TAF4: variants seen among roughly 807,000 people sequenced by gnomAD.
The protein encoded by TAF4 is TATA-box binding protein associated factor 4, also known as transcription initiation factor TFIID subunit 4.
In TAF4, 9 loss-of-function variants were observed where a neutral mutation model predicts 90.3. That is an observed-to-expected ratio of 0.10 (90% CI 0.06 to 0.17). The LOEUF (loss-of-function observed/expected upper bound fraction) is 0.17, where lower values mean the gene tolerates loss of function less well. TAF4 is among the 10% of genes least tolerant of loss of function. The probability of loss-of-function intolerance (pLI) is 1.00; values close to 1 mark genes in which losing one functional copy is unlikely to be tolerated. For synonymous variants in TAF4, 818 were observed against 638.9 expected (o/e 1.28, Z -4.23); for missense variants, 1,351 against 1,370.7 (o/e 0.99, Z 0.23).
chr20:62,026,737 G>A (rs996053940), intron 1 of TAF4, among the ~76,000 whole-genome samples: 2 of 152,170 alleles, frequency 1.3e-5, no homozygotes, highest in African/African-American at 4.8e-5. Flanking sequence ...AGGCAGAAAT[G>A]GGGCCTCCAC....
intron 13 of TAF4, 21 bp downstream of exon 13, chr20:61,998,115 C>T (rs760927609): frequency 6.2e-7 from 1 of 1,613,616 alleles, no homozygotes; most frequent in Admixed American, 1.7e-5. Flanking sequence ...CCCACGAGCA[C>T]TCACGACTAA....
intron 14 of TAF4, chr20:61,979,323 G>C (rs1007100295): frequency 6.5e-6 from 1 of 152,818 alleles, no homozygotes; most frequent in Non-Finnish European, 1.5e-5. Flanking sequence ...AGAGTGCTTA[G>C]TGGGGGCTTC....
chr20:61,991,976 C>T (rs2055634469), intron 14 of TAF4, among the ~76,000 whole-genome samples: 1 of 152,146 alleles, frequency 6.6e-6, no homozygotes, highest in South Asian at 2.1e-4. Flanking sequence ...AGAGTAACAT[C>T]CTTAAGACAC....
At chr20:62,001,338 G>C (rs541914386) in intron 9 of TAF4, among the ~76,000 whole-genome samples, 9 of 152,316 alleles carry the variant, frequency 5.9e-5, no homozygotes, top group African/African-American at 1.9e-4. Flanking sequence ...GCCACGTCTT[G>C]TCCGGCTCCT....
At chr20:62,040,663 T>G (rs988798638) in intron 1 of TAF4, among the ~76,000 whole-genome samples, 1 of 152,242 alleles carries the variant, frequency 6.6e-6, no homozygotes, top group South Asian at 2.1e-4. Flanking sequence ...CCCACTAGAA[T>G]AGGCAAAACA....
chr20:62,003,176 C>A lies in TAF4; in HGVS notation c.2470G>T (p.Gly824Trp), dbSNP rs1325185225. The A allele has an allele frequency of 6.2e-7, 1 of 1,614,182 alleles. No individual in the cohort carries two copies. Among genetic ancestry groups the A allele is most frequent in the Non-Finnish European group, 8.5e-7 (1 of 1,180,026 alleles). Residue 824 changes from glycine to tryptophan, a missense_variant, in exon 9 of 15, where the codon GGG becomes TGG. Gly to Trp is a radical substitution (Grantham distance 184). Transcript: ENST00000252996. ...AAQKNKLKEPGGGSFRDDDDI... is the reference protein window; with the variant it reads ...AAQKNKLKEPWGGSFRDDDDI... Reference sequence around the variant, plus strand: ...ATTCCTTACCGAAACGAACCTCCCCCAGGCTCCTTGAGTTTATTTTTCTGT... The same window carrying A: ...ATTCCTTACCGAAACGAACCTCCCCAAGGCTCCTTGAGTTTATTTTTCTGT...
intron 1 of TAF4, among the ~76,000 whole-genome samples, chr20:62,035,032 G>A (rs576188584): frequency 6.6e-6 from 1 of 152,064 alleles, no homozygotes; most frequent in African/African-American, 2.4e-5. Flanking sequence ...ATGTTAGCCA[G>A]GATGGTCTCG....
intron 1 of TAF4, among the ~76,000 whole-genome samples, chr20:62,047,616 T>G (rs2056000885): frequency 6.6e-6 from 1 of 152,164 alleles, no homozygotes. Context: ...AGGACAGCGC[T>G]AGAGGCACCA....
rs2056111286 is a variant in TAF4, at chr20:62,064,601, C to T, written c.1210G>A (p.Ala404Thr). The T allele has an allele frequency of 2.1e-6, 3 of 1,449,138 alleles. No homozygotes were observed. Among genetic ancestry groups the T allele is most frequent in the Non-Finnish European group, 2.7e-6 (3 of 1,103,412 alleles). 89.8% of individuals were successfully genotyped at this position (1,449,138 alleles called of 1,614,324 possible). ...PGTPTGLPKGAAGAVTQSLSR... is the reference protein window; with the variant it reads ...PGTPTGLPKGTAGAVTQSLSR... ...AGGCTCTGGGTCACTGCGCCGGCCG[C>T]GCCTTTGGGCAGCCCGGTGGGGGTC... Residue 404 changes from alanine (A) to threonine (T), a missense_variant, in exon 1 of 15, where the codon GCG becomes ACG. Around this residue, in one of 9 missense-constraint regions of TAF4, gnomAD observed 782 missense variants for 536.6 expected, o/e 1.46. Coordinates refer to ENST00000252996, the MANE Select transcript of TAF4 (RefSeq NM_003185.4).
intron 14 of TAF4, among the ~76,000 whole-genome samples, chr20:61,986,642 TGTC>T (rs1399590679): frequency 8.5e-5 from 13 of 152,206 alleles, no homozygotes; most frequent in Non-Finnish European, 1.5e-4. Context: ...CAAATCCTCT[TGTC>T]GTGTCACAAG....
intron 14 of TAF4, among the ~76,000 whole-genome samples, chr20:61,990,465 C>T (rs1020518268): frequency 2.6e-5 from 4 of 152,204 alleles, no homozygotes; most frequent in Admixed American, 2.6e-4. Flanking sequence ...AGCCAGCGGA[C>T]AATCTTTAGA....
intron 1 of TAF4, among the ~76,000 whole-genome samples, chr20:62,061,636 T>C (rs2056089178): frequency 6.6e-6 from 1 of 152,224 alleles, no homozygotes; most frequent in Non-Finnish European, 1.5e-5. Flanking sequence ...AAATCACCTT[T>C]TTCTTCTTTC....
At chr20:61,981,713 C>T (rs533167021) in intron 14 of TAF4, among the ~76,000 whole-genome samples, 43 of 152,008 alleles carry the variant, frequency 2.8e-4, no homozygotes, top group Non-Finnish European at 5.0e-4. Context: ...GGGACATTCA[C>T]ACCATGACCC....
At chr20:62,027,083 C>T (rs1389766045) in intron 1 of TAF4, among the ~76,000 whole-genome samples, 2 of 152,184 alleles carry the variant, frequency 1.3e-5, no homozygotes, top group Non-Finnish European at 2.9e-5. Flanking sequence ...CACCAAACTC[C>T]GAGTGAGAAG....
chr20:61,995,013 C>G (rs1288493529), intron 14 of TAF4, among the ~76,000 whole-genome samples: 1 of 152,188 alleles, frequency 6.6e-6, no homozygotes, highest in Non-Finnish European at 1.5e-5. Flanking sequence ...GTTAAAGGGG[C>G]TTGAGAAACA....
rs140040202 is a variant in TAF4, at chr20:62,029,300, G to A, written c.1361-14593C>T. Among the ~76,000 whole-genome samples the A allele has an allele frequency of 6.1e-3, 923 of 152,086 alleles. 13 individuals are homozygous for A. Among genetic ancestry groups the A allele is most frequent in the African/African-American group, 0.021 (875 of 41,460 alleles). On this transcript the variant is annotated intron_variant, in intron 1 of 14. Coordinates refer to ENST00000252996, the MANE Select transcript of TAF4 (RefSeq NM_003185.4). ...TTTGAAATTTTGCAAGATAAAACTC[G>A]GAGGCAAGGACTGTTTTGCTATCTA...
intron 14 of TAF4, among the ~76,000 whole-genome samples, chr20:61,976,986 G>T (rs1005081866): frequency 4.6e-5 from 7 of 152,238 alleles, no homozygotes; most frequent in African/African-American, 1.7e-4. Flanking sequence ...CTCCTGTGGA[G>T]AGCTCTGGCG....
In TAF4 at chr20:62,064,969, GC is replaced by G; in HGVS notation, c.841del (p.Ala281ProfsTer128). On this transcript the variant is annotated frameshift_variant, in exon 1 of 15. Transcript: ENST00000252996. LOFTEE classifies it high-confidence loss of function. The stretch of plus-strand genomic sequence containing the variant: ...TCCGGCGGGGTGGCCGGGCGGCCGG[GC>G]CAGAGTGGCGGGCGCGGGGGGTGGC... ...PPPPPAPATL[A>X]RPPGHPAGPP... 1.0e-5 allele frequency: 4 copies of G among 398,710 alleles called. No individual in the cohort carries two copies. The highest frequency in any genetic ancestry group is 9.9e-6 in the Non-Finnish European group (3 of 304,350). The allele number at this position is 398,710 out of a possible 1,614,324, so 24.7% of individuals were successfully genotyped here. A position where few individuals can be genotyped will look rare whatever the true frequency, so the allele number is the denominator to read the frequency against.
At chr20:62,044,283 T>C (rs370103363) in intron 1 of TAF4, among the ~76,000 whole-genome samples, 1 of 152,178 alleles carries the variant, frequency 6.6e-6, no homozygotes, top group African/African-American at 2.4e-5. Flanking sequence ...CCAGATTATA[T>C]TAAGAAAAAA....
Sources: gnomAD v4.1 joint callset for allele counts (sites outside exome capture counted in the v4.1 genomes callset) on GRCh38, gnomAD v4.1.1 for gene constraint, gnomAD v4.1.1 regional missense constraint, MANE v1.5 for transcripts, NCBI Gene and HGNC (gene_info 2026-07-23, HGNC 2026-07-21) for gene names.